Variants in TSPAN18 observed in about 807,000 individuals in gnomAD.
TSPAN18 encodes the protein tetraspanin 18.
Under a neutral mutation model 27.3 loss-of-function variants are expected in TSPAN18, and 14 were observed. The observed-to-expected ratio is 0.51, with a 90% confidence interval of 0.34 to 0.80. TSPAN18 has a LOEUF of 0.80. Ranked by LOEUF, TSPAN18 falls within the 30% of genes least tolerant of loss-of-function variation. TSPAN18 has a pLI of 0.01. For synonymous variants in TSPAN18, 143 were observed against 136.5 expected, an observed-to-expected ratio of 1.05 and a Z score of -0.33; for missense variants, 268 against 323.9, an observed-to-expected ratio of 0.83 and a Z score of 1.32.
chr11:44,800,151 C>T (rs1750485189), intron 2 of TSPAN18, among the ~76,000 whole-genome samples: 1 of 152,046 alleles, frequency 6.6e-6, no homozygotes, highest in Non-Finnish European at 1.5e-5. Context: ...GCCACTGCGC[C>T]CAGCCTGGCA....
intron 2 of TSPAN18, among the ~76,000 whole-genome samples, chr11:44,843,960 G>A (rs553066964): frequency 9.9e-5 from 15 of 152,278 alleles, no homozygotes; most frequent in South Asian, 6.2e-4. Context: ...GTCCTGAGAC[G>A]TTATACATCC....
chr11:44,856,160 G>A (rs576201667), intron 2 of TSPAN18, among the ~76,000 whole-genome samples: 10 of 152,184 alleles, frequency 6.6e-5, no homozygotes, highest in African/African-American at 2.4e-4. Context: ...TGGGATTACA[G>A]GCATGAGCCA....
intron 3 of TSPAN18, among the ~76,000 whole-genome samples, chr11:44,889,300 C>T (rs1173594348): frequency 3.3e-5 from 5 of 152,196 alleles, no homozygotes; most frequent in South Asian, 2.1e-4. Flanking sequence ...AAGATGATTT[C>T]AGGGCTGAGG....
chr11:44,764,728 G>C lies in TSPAN18; in HGVS notation c.-153+216G>C, dbSNP rs144539683. Among the ~76,000 whole-genome samples, 881 of 152,274 alleles carry C rather than the reference G, an allele frequency of 5.8e-3. 6 individuals carry two copies. Among genetic ancestry groups the C allele is most frequent in the African/African-American group, 0.02 (838 of 41,556 alleles). On this transcript the variant is annotated intron_variant, in intron 2 of 9. Coordinates refer to ENST00000520358, the MANE Select transcript of TSPAN18 (RefSeq NM_130783.5). ...TGGGTGAGGGCAACGGGGCCACCTT[G>C]GTGCAGGAAGTGAGTGTTGATGGAT...
rs1384568925 is a variant in TSPAN18, at chr11:44,906,443, G to A, written c.27G>A (p.Met9Ile). 2.5e-5 allele frequency: 40 copies of A among 1,614,254 alleles called. No homozygotes were observed. Among genetic ancestry groups the A allele is most frequent in the Non-Finnish European group, 3.4e-5 (40 of 1,180,032 alleles). The change falls in exon 4 of 10, where the codon ATG (methionine) becomes ATA (isoleucine). Residue 9 changes from methionine to isoleucine, a missense_variant. Coordinates refer to ENST00000520358, the MANE Select transcript of TSPAN18 (RefSeq NM_130783.5). MEGDCLSCMKYLMFVFNFF... is the reference protein window; with the variant it reads MEGDCLSCIKYLMFVFNFF... ...TGGAAGGCGACTGTCTGAGCTGCAT[G>A]AAGTATCTGATGTTTGTATTCAATT...
chr11:44,926,789 C>T (rs1221007658), intron 9 of TSPAN18, 32 bp downstream of exon 9: 4 of 1,602,772 alleles, frequency 2.5e-6, no homozygotes, highest in Non-Finnish European at 3.4e-6. Flanking sequence ...TGCCGCTCCC[C>T]AGGATGAAGC....
rs1554941244 is a variant in TSPAN18 at position 44,924,097 on chromosome 11, T to TGTGTGTGTGTGTG, written c.616-2577_616-2576insGTGTGTGTGTGTG. ...CTGCTTCTCCTGTCCCCTTCTGGGG[T>TGTGTGTGTGTGTG]TGTGTGTGTGTGTGTGTGTGTGTGT... On this transcript the variant is annotated intron_variant, in intron 8 of 9. Coordinates refer to ENST00000520358, the MANE Select transcript of TSPAN18 (RefSeq NM_130783.5). 4.9e-3 allele frequency among the ~76,000 whole-genome samples: 714 copies of TGTGTGTGTGTGTG among 145,868 alleles called. 7 individuals carry two copies. Among genetic ancestry groups the TGTGTGTGTGTGTG allele is most frequent in the African/African-American group, 0.017 (656 of 38,964 alleles).
At chr11:44,777,751 C>G (rs922578866) in intron 2 of TSPAN18, among the ~76,000 whole-genome samples, 19 of 152,318 alleles carry the variant, frequency 1.2e-4, no homozygotes, top group African/African-American at 2.9e-4. Flanking sequence ...CCACCTCCCC[C>G]CCTTTTCTTT....
At chr11:44,795,361 G>T (rs1289235516) in intron 2 of TSPAN18, among the ~76,000 whole-genome samples, 1 of 151,990 alleles carries the variant, frequency 6.6e-6, no homozygotes, top group Non-Finnish European at 1.5e-5. Flanking sequence ...GAGCTTCCCT[G>T]CCTGGGTTCA....
chr11:44,784,169 C>T (rs911445324), intron 2 of TSPAN18, among the ~76,000 whole-genome samples: 5 of 152,154 alleles, frequency 3.3e-5, no homozygotes, highest in Admixed American at 6.5e-5. Flanking sequence ...GGAGAGGATA[C>T]GGGGCCATAG....
At chr11:44,762,401 G>T (rs923353030) in intron 1 of TSPAN18, among the ~76,000 whole-genome samples, 2 of 152,232 alleles carry the variant, frequency 1.3e-5, no homozygotes, top group African/African-American at 4.8e-5. Flanking sequence ...CACACTGCAT[G>T]TGTGCTCACA....
At chr11:44,788,958 AC>A in intron 2 of TSPAN18, among the ~76,000 whole-genome samples, 2 of 152,330 alleles carry the variant, frequency 1.3e-5, no homozygotes, top group South Asian at 4.1e-4. Flanking sequence ...TTCTGCAAAC[AC>A]ATCTACGTGG....
rs1860371699 is a variant in TSPAN18, at chr11:44,926,734, G to A, written c.676G>A (p.Ala226Thr). 3 of 1,614,154 alleles carry A rather than the reference G, an allele frequency of 1.9e-6. No homozygotes were observed. The highest frequency in any genetic ancestry group is 3.3e-5 in the Admixed American group (2 of 60,024). Residue 226 changes from alanine to threonine, a missense_variant, in exon 9 of 10, where the codon GCC becomes ACC. Transcript: ENST00000520358. ...ETYVYLAGAL[A>T]IGVLAIELFA... ...CTACGTCTACTTGGCCGGAGCCCTTGCCATCGGGGTACTGGCCATCGAGGT... is the reference window on the plus strand; with the variant it reads ...CTACGTCTACTTGGCCGGAGCCCTTACCATCGGGGTACTGGCCATCGAGGT...
rs765929072 is a variant in TSPAN18 at position 44,926,736 on chromosome 11, C to T, written c.678C>T (p.Ala226=). 1 of 1,614,184 alleles carries T rather than the reference C, an allele frequency of 6.2e-7. No individual in the cohort carries two copies. The highest frequency in any genetic ancestry group is 8.5e-7 in the Non-Finnish European group (1 of 1,180,008). The part of the protein sequence containing the change: ...ETYVYLAGAL[A]IGVLAIELFA... The stretch of plus-strand genomic sequence containing the variant: ...ACGTCTACTTGGCCGGAGCCCTTGC[C>T]ATCGGGGTACTGGCCATCGAGGTAA... The change falls in exon 9 of 10, where the codon GCC becomes GCT. Residue 226 remains alanine (A), a synonymous_variant. Coordinates refer to ENST00000520358, the MANE Select transcript of TSPAN18 (RefSeq NM_130783.5).
At chr11:44,894,465 T>A (rs111422250) in intron 3 of TSPAN18, among the ~76,000 whole-genome samples, 1 of 152,066 alleles carries the variant, frequency 6.6e-6, no homozygotes, top group Non-Finnish European at 1.5e-5. Context: ...AAAGCATGCC[T>A]GGGGGCGGGG....
chr11:44,927,254 G>A (rs1476062584), intron 9 of TSPAN18, among the ~76,000 whole-genome samples: 1 of 152,218 alleles, frequency 6.6e-6, no homozygotes, highest in Non-Finnish European at 1.5e-5. Context: ...CCTGCAGACC[G>A]TTTGCAATCA....
At chr11:44,742,849 T>G (rs1854977382) in intron 1 of TSPAN18, among the ~76,000 whole-genome samples, 1 of 152,162 alleles carries the variant, frequency 6.6e-6, no homozygotes, top group Non-Finnish European at 1.5e-5. Flanking sequence ...CAGAGACCCT[T>G]TCTTATGGGC....
chr11:44,862,564 A>G (rs1013838143), intron 3 of TSPAN18, among the ~76,000 whole-genome samples: 2 of 152,186 alleles, frequency 1.3e-5, no homozygotes, highest in Non-Finnish European at 2.9e-5. Context: ...TTGAGTGCCT[A>G]TCATGTGCCA....
At chr11:44,908,831 A>AGAAAGAAAGAAAGAAAGAAAG (rs1590671451) in intron 4 of TSPAN18, among the ~76,000 whole-genome samples, 1 of 96,160 alleles carries the variant, frequency 1.0e-5, no homozygotes, top group Admixed American at 1.0e-4. Context: ...AAGAAAGAAA[A>AGAAAGAAAGAAAGAAAGAAAG]AGAAAAATGG....
Sources: gnomAD v4.1 joint callset for allele counts (sites outside exome capture counted in the v4.1 genomes callset) on GRCh38, gnomAD v4.1.1 for gene constraint, MANE v1.5 for transcripts, NCBI Gene and HGNC (gene_info 2026-07-23, HGNC 2026-07-21) for gene names.